The following BCAR3 variants were observed in gnomAD, a reference collection of about 807,000 sequenced individuals.
BCAR3 encodes the protein BCAR3 adaptor protein, NSP family member.
BCAR3 carries 37 observed loss-of-function variants against 80.1 expected under a neutral mutation model. The observed-to-expected ratio is 0.46, with a 90% CI of 0.36 to 0.61. The LOEUF is 0.61. Among genes scored for constraint, BCAR3 ranks in the 20% least tolerant of loss-of-function variants. The probability of loss-of-function intolerance (pLI) is 0.00; values close to 1 mark genes in which losing one functional copy is unlikely to be tolerated. For missense variants in BCAR3, 978 were observed against 1,068.2 expected (o/e 0.92, Z 1.18); for synonymous variants, 389 against 418.9 (o/e 0.93, Z 0.87).
At chr1:93,826,319 T>A (rs1654371631) in intron 2 of BCAR3, among the ~76,000 whole-genome samples, 1 of 152,098 alleles carries the variant, frequency 6.6e-6, no homozygotes, top group Admixed American at 6.5e-5. Context: ...AGCTGCACTT[T>A]CCTCTCCTCT....
At chr1:93,700,007 G>T (rs1262042436) in intron 3 of BCAR3, among the ~76,000 whole-genome samples, 1 of 152,060 alleles carries the variant, frequency 6.6e-6, no homozygotes, top group Non-Finnish European at 1.5e-5. Flanking sequence ...AATGAGCCCA[G>T]GGAGGTGAGG....
At chr1:93,733,725 A>AT (rs1650880073) in intron 2 of BCAR3, among the ~76,000 whole-genome samples, 1 of 152,224 alleles carries the variant, frequency 6.6e-6, no homozygotes, top group Admixed American at 6.5e-5. Flanking sequence ...GTGTGCACAC[A>AT]TGTGTATGCA....
chr1:93,584,975 T>G (rs1673883440), intron 5 of BCAR3: 2 of 982,924 alleles, frequency 2.0e-6, no homozygotes, highest in Admixed American at 6.2e-5. Flanking sequence ...TTCCTACCTT[T>G]ACAAGCACCA....
At chr1:93,593,167 A>C (rs776258108) in intron 3 of BCAR3, among the ~76,000 whole-genome samples, 3 of 152,024 alleles carry the variant, frequency 2.0e-5, no homozygotes, top group Non-Finnish European at 4.4e-5. Context: ...TGCTTACAAC[A>C]TGTGAACTGA....
chr1:93,583,949 G>A (rs1673832675), intron 6 of BCAR3, 69 bp downstream of exon 6: 1 of 1,457,370 alleles, frequency 6.9e-7, no homozygotes, highest in East Asian at 2.3e-5. Flanking sequence ...AACTAGATGG[G>A]GCAGGGTAAC....
At chr1:93,733,652 G>T (rs537228406) in intron 2 of BCAR3, among the ~76,000 whole-genome samples, 1 of 152,332 alleles carries the variant, frequency 6.6e-6, no homozygotes, top group African/African-American at 2.4e-5. Flanking sequence ...AGCACAGCTG[G>T]ATGATGTGTG....
intron 2 of BCAR3, among the ~76,000 whole-genome samples, chr1:93,660,082 G>T (rs1222037511): frequency 6.6e-6 from 1 of 151,820 alleles, no homozygotes; most frequent in Non-Finnish European, 1.5e-5. Context: ...GTGTGTGTGT[G>T]TTTTCTCTAA....
intron 3 of BCAR3, among the ~76,000 whole-genome samples, chr1:93,690,120 G>A (rs1427637474): frequency 2.6e-5 from 4 of 152,184 alleles, no homozygotes; most frequent in Admixed American, 6.5e-5. Flanking sequence ...GCTGTGAAAC[G>A]TTAGGTGAAA....
intron 3 of BCAR3, among the ~76,000 whole-genome samples, chr1:93,639,983 T>C (rs912813328): frequency 6.6e-6 from 1 of 152,162 alleles, no homozygotes; most frequent in Admixed American, 6.5e-5. Context: ...CCAATGAATC[T>C]GAACCTACTG....
chr1:93,847,295 C>T, upstream of BCAR3: 1 of 173,792 alleles, frequency 5.8e-6, no homozygotes, highest in Non-Finnish European at 1.2e-5. Flanking sequence ...TACGGCTGGG[C>T]CCGGACCGTG....
chr1:93,654,728 T>C (rs537420647), intron 2 of BCAR3, among the ~76,000 whole-genome samples: 1 of 152,330 alleles, frequency 6.6e-6, no homozygotes, highest in South Asian at 2.1e-4. Context: ...GCCTTGGTAC[T>C]GACTACTCTT....
intron 3 of BCAR3, among the ~76,000 whole-genome samples, chr1:93,689,847 C>T (rs974331409): frequency 6.6e-6 from 1 of 152,156 alleles, no homozygotes; most frequent in Admixed American, 6.5e-5. Context: ...AGCATTTATG[C>T]TTCACCAACT....
intron 2 of BCAR3, among the ~76,000 whole-genome samples, chr1:93,776,092 A>G (rs1462759647): frequency 6.6e-6 from 1 of 152,212 alleles, no homozygotes; most frequent in African/African-American, 2.4e-5. Context: ...GAGAAACTCA[A>G]TTTCCTAGGA....
chr1:93,563,857 T>TA (rs1672806303), intron 11 of BCAR3, among the ~76,000 whole-genome samples: 1 of 152,154 alleles, frequency 6.6e-6, no homozygotes, highest in South Asian at 2.1e-4. Context: ...CACGCCTGGC[T>TA]AATTTTTTGT....
At chr1:93,593,193 C>T (rs1339701419) in intron 3 of BCAR3, among the ~76,000 whole-genome samples, 1 of 152,082 alleles carries the variant, frequency 6.6e-6, no homozygotes, top group African/African-American at 2.4e-5. Flanking sequence ...GAAACCTGCC[C>T]AGTTCCCAGC....
intron 2 of BCAR3, among the ~76,000 whole-genome samples, chr1:93,710,507 C>T (rs1004103326): frequency 3.3e-5 from 5 of 152,126 alleles, no homozygotes; most frequent in Admixed American, 6.5e-5. Flanking sequence ...AATGCTGGTC[C>T]CTCAATAATT....
intron 2 of BCAR3, among the ~76,000 whole-genome samples, chr1:93,737,393 A>G (rs1287993650): frequency 6.6e-6 from 1 of 152,158 alleles, no homozygotes; most frequent in Non-Finnish European, 1.5e-5. Flanking sequence ...TATAAGAAAG[A>G]GGAGAGAGAG....
intron 2 of BCAR3, among the ~76,000 whole-genome samples, chr1:93,657,743 A>G (rs1020901092): frequency 7.9e-5 from 12 of 151,904 alleles, no homozygotes; most frequent in Admixed American, 5.2e-4. Context: ...AAAAAAAATG[A>G]AAAGAAAAAG....
At chr1:93,603,159 CAA>C (rs939635282) in intron 3 of BCAR3, among the ~76,000 whole-genome samples, 6 of 152,170 alleles carry the variant, frequency 3.9e-5, no homozygotes, top group Non-Finnish European at 8.8e-5. Context: ...TAAAAAAGTT[CAA>C]AGAGAAAAAA....
Sources: allele counts gnomAD v4.1 joint callset (sites outside exome capture counted in the v4.1 genomes callset), GRCh38; gene constraint gnomAD v4.1.1; transcripts MANE v1.5; gene names NCBI Gene and HGNC (gene_info 2026-07-23, HGNC 2026-07-21).